Variants in DIS3L2 observed in about 807,000 individuals in gnomAD.
DIS3L2 encodes the protein DIS3-like exonuclease 2.
In DIS3L2, 34 loss-of-function variants were observed where a neutral mutation model predicts 97.5. That is an observed-to-expected ratio of 0.35 (90% CI 0.27 to 0.46). DIS3L2 has a LOEUF of 0.46. Among genes scored for constraint, DIS3L2 ranks in the 20% least tolerant of loss-of-function variants. DIS3L2 has a pLI of 1.00. For missense variants in DIS3L2, 1,038 were observed against 1,146.0 expected (o/e 0.91, Z 1.36); for synonymous variants, 435 against 445.2 (o/e 0.98, Z 0.29).
chr2:232,102,495 A>G (rs1230963721), intron 6 of DIS3L2, among the ~76,000 whole-genome samples: 1 of 152,202 alleles, frequency 6.6e-6, no homozygotes, highest in Non-Finnish European at 1.5e-5. Context: ...ATACTGGCTA[A>G]CATGGTTGGG....
chr2:232,277,366 T>C (rs766860338), intron 13 of DIS3L2, among the ~76,000 whole-genome samples: 2 of 152,226 alleles, frequency 1.3e-5, no homozygotes, highest in Admixed American at 6.5e-5. Flanking sequence ...CTGGAATGTT[T>C]CCAGTTTTTG....
Position 231,975,622 on chromosome 2 carries a change from G to T in DIS3L2, c.-94+13857G>T, listed in dbSNP as rs139151767. On this transcript the variant is annotated intron_variant, in intron 1 of 20. Coordinates refer to ENST00000325385, the MANE Select transcript of DIS3L2 (RefSeq NM_152383.5). ...TGGGAGGCTGAGACAGGAGAATGGC[G>T]TGAACCCAGGACGCAGAGCTTGCAG... Among the ~76,000 whole-genome samples the T allele has an allele frequency of 7.3e-3, 1,087 of 148,358 alleles. 20 individuals are homozygous for T. Among genetic ancestry groups the T allele is most frequent in the African/African-American group, 0.025 (1,027 of 40,358 alleles).
At chr2:232,036,406 G>A (rs6728616) in intron 5 of DIS3L2, among the ~76,000 whole-genome samples, 5 of 152,078 alleles carry the variant, frequency 3.3e-5, no homozygotes, top group African/African-American at 7.2e-5. Context: ...GGTTATTCTA[G>A]TGAGCAATTC....
intron 13 of DIS3L2, among the ~76,000 whole-genome samples, chr2:232,270,899 TCTCTCTCTC>T (rs1693985142): frequency 2.7e-5 from 4 of 149,146 alleles, no homozygotes; most frequent in Non-Finnish European, 5.9e-5. Context: ...TCTCTCTCTC[TCTCTCTCTC>T]TCTCTCTGTC....
At chr2:232,066,913 C>T (rs1185483552) in intron 5 of DIS3L2, among the ~76,000 whole-genome samples, 1 of 151,984 alleles carries the variant, frequency 6.6e-6, no homozygotes. Context: ...TAGACTGTAT[C>T]GGCATAAAGC....
At chr2:232,104,225 T>C (rs1232712962) in intron 6 of DIS3L2, among the ~76,000 whole-genome samples, 1 of 152,192 alleles carries the variant, frequency 6.6e-6, no homozygotes. Context: ...GTCATTACTG[T>C]CAAATTAATT....
intron 14 of DIS3L2, among the ~76,000 whole-genome samples, chr2:232,326,355 G>A (rs1183583616): frequency 6.8e-6 from 1 of 147,292 alleles, no homozygotes; most frequent in East Asian, 2.2e-4. Flanking sequence ...CATTTGCAAT[G>A]GCGAATACTG....
At chr2:231,981,598 T>A (rs1339107118) in intron 1 of DIS3L2, among the ~76,000 whole-genome samples, 3 of 84,070 alleles carry the variant, frequency 3.6e-5, no homozygotes, top group Non-Finnish European at 6.8e-5. Context: ...GTTAAGTATT[T>A]TATATATATA....
intron 13 of DIS3L2, among the ~76,000 whole-genome samples, chr2:232,273,407 A>G (rs895085899): frequency 6.6e-6 from 1 of 152,224 alleles, no homozygotes; most frequent in South Asian, 2.1e-4. Flanking sequence ...ATCTTTTAAA[A>G]AAGATGATGG....
At position 232,231,471 on chromosome 2, in the gene DIS3L2, G is replaced by A. The variant is rs551075187; in HGVS notation, c.1205-7062G>A. On this transcript the variant is annotated intron_variant, in intron 10 of 20. Transcript: ENST00000325385. ...TCCTCCAAGGAGATGGGCTTGTTCT[G>A]GGCACCCTTATGAGCCAGAACTGGA... Among the ~76,000 whole-genome samples the A allele has an allele frequency of 4.2e-4, 64 of 152,302 alleles. No homozygotes were observed. In the South Asian group the frequency reaches 0.013, roughly 31 times the overall value.
rs114710810 is a variant in DIS3L2 at position 232,284,759 on chromosome 2, G to C, written c.1660-15281G>C. On this transcript the variant is annotated intron_variant, in intron 13 of 20. Transcript: ENST00000325385. ...TCCTTGCTGTCCTGCCAGACCTGAG[G>C]CCTCATCTACACCATGCAGGCCCCT... Among the ~76,000 whole-genome samples, 429 of 149,364 alleles carry C rather than the reference G, an allele frequency of 2.9e-3. 1 individual carries two copies. The highest frequency in any genetic ancestry group is 4.7e-3 in the Non-Finnish European group (318 of 67,016).
At chr2:232,257,540 T>C (rs2106274111) in intron 12 of DIS3L2, among the ~76,000 whole-genome samples, 2 of 152,352 alleles carry the variant, frequency 1.3e-5, no homozygotes, top group East Asian at 3.9e-4. Flanking sequence ...CCTGGTTTTG[T>C]TCCAGTCAGG....
At position 232,148,235 on chromosome 2, in the gene DIS3L2, G is replaced by A. The variant is rs149780229; in HGVS notation, c.950+11516G>A. Reference sequence around the variant, plus strand: ...CAGCAATTTTTATATTTTTAGTAGAGATGGGGTTTCACCATGTTGGCCAGG... The same window carrying A: ...CAGCAATTTTTATATTTTTAGTAGAAATGGGGTTTCACCATGTTGGCCAGG... On this transcript the variant is annotated intron_variant, in intron 8 of 20. Transcript: ENST00000325385. Among the ~76,000 whole-genome samples, 1,374 of 152,088 alleles carry A rather than the reference G, an allele frequency of 9.0e-3. 17 individuals carry two copies. The highest frequency in any genetic ancestry group is 0.031 in the African/African-American group (1,290 of 41,476).
At chr2:232,250,028 A>G (rs534056128) in intron 12 of DIS3L2, among the ~76,000 whole-genome samples, 44 of 152,198 alleles carry the variant, frequency 2.9e-4, no homozygotes, top group Non-Finnish European at 5.6e-4. Context: ...TATGCGTATC[A>G]TAGGGAACGG....
intron 13 of DIS3L2, among the ~76,000 whole-genome samples, chr2:232,265,332 C>T (rs1693826237): frequency 6.6e-6 from 1 of 152,158 alleles, no homozygotes; most frequent in South Asian, 2.1e-4. Context: ...ATCCATACTC[C>T]CACCCTGAGT....
At chr2:232,058,116 A>G (rs1294182519) in intron 5 of DIS3L2, among the ~76,000 whole-genome samples, 2 of 152,232 alleles carry the variant, frequency 1.3e-5, no homozygotes, top group Non-Finnish European at 2.9e-5. Flanking sequence ...TCTTCCCATA[A>G]GTGAACTCAC....
intron 10 of DIS3L2, among the ~76,000 whole-genome samples, chr2:232,224,175 G>C (rs976277622): frequency 1.3e-5 from 2 of 152,198 alleles, no homozygotes; most frequent in Admixed American, 1.3e-4. Context: ...CTAGAATAGA[G>C]AATACAGAAA....
chr2:232,256,324 G>A (rs1200971959), intron 12 of DIS3L2, among the ~76,000 whole-genome samples: 4 of 152,184 alleles, frequency 2.6e-5, no homozygotes, highest in Non-Finnish European at 2.9e-5. Flanking sequence ...TGTGCTGCAG[G>A]CCCCCTCCCC....
At chr2:232,104,869 G>A (rs1215887809) in intron 6 of DIS3L2, among the ~76,000 whole-genome samples, 1 of 152,188 alleles carries the variant, frequency 6.6e-6, no homozygotes, top group Non-Finnish European at 1.5e-5. Flanking sequence ...CCAGGCTGGA[G>A]TGCAGTGGTG....
Sources: gnomAD v4.1 joint callset for allele counts (sites outside exome capture counted in the v4.1 genomes callset) on GRCh38, gnomAD v4.1.1 for gene constraint, MANE v1.5 for transcripts, NCBI Gene and HGNC (gene_info 2026-07-23, HGNC 2026-07-21) for gene names.